CCDC102B: variants seen among roughly 807,000 people sequenced by gnomAD.
The protein encoded by CCDC102B is coiled-coil domain containing 102B.
Under a neutral mutation model 57.4 loss-of-function variants are expected in CCDC102B, and 75 were observed. That is an observed-to-expected ratio of 1.31 (90% CI 1.08 to 1.58). The LOEUF is 1.58. Among genes scored for constraint, CCDC102B ranks in the 40% most tolerant of loss-of-function variants. The pLI is 0.00. For synonymous variants in CCDC102B, 206 were observed against 201.9 expected (o/e 1.02, Z -0.17); for missense variants, 636 against 582.6 (o/e 1.09, Z -0.94).
In CCDC102B at chr18:68,877,973, A is replaced by G. The variant is rs116097822; in HGVS notation, c.1053+3188A>G. Among the ~76,000 whole-genome samples, 474 of 152,326 alleles carry G rather than the reference A, an allele frequency of 3.1e-3. 3 individuals carry two copies. The highest frequency in any genetic ancestry group is 0.011 in the African/African-American group (439 of 41,560). On this transcript the variant is annotated intron_variant, in intron 5 of 7. Transcript: ENST00000360242. ...AGGGAAGGATAAGGACAAAGCACAT[A>G]TCAAAAAAGAGAGCCTTCTATTTTA...
At chr18:68,861,177 G>T (rs1338130889) in intron 4 of CCDC102B, among the ~76,000 whole-genome samples, 1 of 152,014 alleles carries the variant, frequency 6.6e-6, no homozygotes. Flanking sequence ...GGAAGTCAGG[G>T]GCTATAGTCA....
chr18:68,879,534 C>T (rs2039596446), intron 5 of CCDC102B, among the ~76,000 whole-genome samples: 1 of 152,018 alleles, frequency 6.6e-6, no homozygotes. Context: ...TCCACGTCCC[C>T]ACCAGATTAG....
intron 2 of CCDC102B, among the ~76,000 whole-genome samples, chr18:68,780,097 T>C (rs1332715058): frequency 6.6e-6 from 1 of 152,164 alleles, no homozygotes; most frequent in African/African-American, 2.4e-5. Flanking sequence ...GCACATTCTA[T>C]ATAAATGAAT....
chr18:68,855,220 A>C (rs1885010030), intron 4 of CCDC102B, among the ~76,000 whole-genome samples: 1 of 152,166 alleles, frequency 6.6e-6, no homozygotes, highest in African/African-American at 2.4e-5. Flanking sequence ...TCTTTGAACC[A>C]TATGCTCAAT....
chr18:69,024,921 T>A (rs1363935401), intron 7 of CCDC102B, among the ~76,000 whole-genome samples: 2 of 152,176 alleles, frequency 1.3e-5, no homozygotes, highest in African/African-American at 4.8e-5. Context: ...TATTTTAAAA[T>A]AGAATATATT....
chr18:68,965,467 T>C (rs1382914402), intron 6 of CCDC102B, among the ~76,000 whole-genome samples: 3 of 151,848 alleles, frequency 2.0e-5, no homozygotes, highest in Non-Finnish European at 4.4e-5. Flanking sequence ...TGTGTTTTTA[T>C]TTGTTTCAAG....
At chr18:68,841,243 A>G (rs1196071970) in intron 3 of CCDC102B, among the ~76,000 whole-genome samples, 1 of 152,134 alleles carries the variant, frequency 6.6e-6, no homozygotes, top group Non-Finnish European at 1.5e-5. Context: ...ATTCCCATCT[A>G]GTGGGAAAAT....
At chr18:68,746,872 CATCT>C (rs994765677) in intron 2 of CCDC102B, among the ~76,000 whole-genome samples, 1 of 151,928 alleles carries the variant, frequency 6.6e-6, no homozygotes, top group African/African-American at 2.4e-5. Context: ...GTAATAAACA[CATCT>C]ATCACCTTAT....
At chr18:68,973,519 A>G (rs537876747) in intron 6 of CCDC102B, among the ~76,000 whole-genome samples, 4 of 152,256 alleles carry the variant, frequency 2.6e-5, no homozygotes, top group African/African-American at 9.6e-5. Flanking sequence ...AACCATCGAC[A>G]TGGTACACTG....
At chr18:68,762,278 C>T (rs531704400) in intron 2 of CCDC102B, among the ~76,000 whole-genome samples, 33 of 152,194 alleles carry the variant, frequency 2.2e-4, no homozygotes, top group Middle Eastern at 3.4e-3. Context: ...CCTCTATTTA[C>T]GGAGAACATA....
At chr18:68,728,095 G>A (rs772499366) in intron 2 of CCDC102B, among the ~76,000 whole-genome samples, 4 of 152,136 alleles carry the variant, frequency 2.6e-5, no homozygotes, top group Non-Finnish European at 4.4e-5. Flanking sequence ...TGGCAATATG[G>A]GTCTATGAAA....
intron 2 of CCDC102B, among the ~76,000 whole-genome samples, chr18:68,744,969 A>G (rs1434396013): frequency 6.6e-6 from 1 of 152,226 alleles, no homozygotes; most frequent in Admixed American, 6.5e-5. Flanking sequence ...CCTCTAGGAA[A>G]ATAGCCACAG....
At chr18:69,023,332 T>TA (rs937415445) in intron 7 of CCDC102B, among the ~76,000 whole-genome samples, 5 of 152,046 alleles carry the variant, frequency 3.3e-5, no homozygotes, top group Non-Finnish European at 5.9e-5. Context: ...AGAATGTAAG[T>TA]AAAAAAACAG....
intron 6 of CCDC102B, among the ~76,000 whole-genome samples, chr18:68,965,438 A>T (rs865862157): frequency 4.0e-5 from 6 of 150,130 alleles, no homozygotes; most frequent in African/African-American, 1.5e-4. Flanking sequence ...GAGACTTTCT[A>T]TTTTTTTCTG....
rs555995713 is a variant in CCDC102B, at chr18:68,986,194, C to T, written c.1264-24740C>T. ...CTGATACCAAAATCTGGTAGAGATA[C>T]AATGAAAAAGAAAACTTCAGGTCCA... On this transcript the variant is annotated intron_variant, in intron 6 of 7. Transcript: ENST00000360242. 1.2e-4 allele frequency among the ~76,000 whole-genome samples: 19 copies of T among 152,100 alleles called. No individual in the cohort carries two copies. The East Asian group carries it at 3.7e-3, about 29-fold the overall frequency.
At chr18:68,986,424 C>T (rs930057368) in intron 6 of CCDC102B, among the ~76,000 whole-genome samples, 1 of 152,080 alleles carries the variant, frequency 6.6e-6, no homozygotes, top group African/African-American at 2.4e-5. Flanking sequence ...TCAGGAAAAG[C>T]TTTTGATAGA....
At chr18:68,725,802 G>A (rs1361996452) in intron 2 of CCDC102B, among the ~76,000 whole-genome samples, 1 of 152,166 alleles carries the variant, frequency 6.6e-6, no homozygotes, top group Non-Finnish European at 1.5e-5. Flanking sequence ...GTTTTTGATT[G>A]ACTGAGCAGA....
intron 7 of CCDC102B, among the ~76,000 whole-genome samples, chr18:69,040,239 T>C (rs73453772): frequency 0.075 from 11,377 of 152,066 alleles, 691 homozygotes; most frequent in African/African-American, 0.16. Flanking sequence ...ATCCATTTCA[T>C]TATCGCTACT....
intron 6 of CCDC102B, among the ~76,000 whole-genome samples, chr18:68,987,294 A>T (rs897434995): frequency 1.3e-5 from 2 of 152,188 alleles, no homozygotes; most frequent in African/African-American, 4.8e-5. Context: ...GATCTTCGAC[A>T]AAGCTGACTA....
Sources: allele counts gnomAD v4.1 joint callset (sites outside exome capture counted in the v4.1 genomes callset), GRCh38; gene constraint gnomAD v4.1.1; transcripts MANE v1.5; gene names NCBI Gene and HGNC (gene_info 2026-07-23, HGNC 2026-07-21).